Variants in DPP10 observed in about 807,000 individuals in gnomAD.
DPP10 encodes dipeptidyl peptidase like 10.
In DPP10, 33 loss-of-function variants were observed where a neutral mutation model predicts 120.9. The ratio of observed to expected loss-of-function variants is 0.27; its 90% CI spans 0.21 to 0.37. DPP10 has a LOEUF of 0.37. Ranked by LOEUF, DPP10 falls within the 10% of genes least tolerant of loss-of-function variation. The pLI, the probability that DPP10 is intolerant of heterozygous loss-of-function variation, is 1.00. For missense variants in DPP10, 816 were observed against 942.8 expected (o/e 0.87, Z 1.76); for synonymous variants, 337 against 326.1 (o/e 1.03, Z -0.36).
At chr2:115,347,611 C>G (rs1017954697) in intron 3 of DPP10, among the ~76,000 whole-genome samples, 1 of 151,902 alleles carries the variant, frequency 6.6e-6, no homozygotes, top group African/African-American at 2.4e-5. Flanking sequence ...TAGGCATTTC[C>G]CCTAATGCTA....
chr2:115,324,712 A>G (rs751587027), intron 2 of DPP10, among the ~76,000 whole-genome samples: 3 of 152,152 alleles, frequency 2.0e-5, no homozygotes, highest in Non-Finnish European at 2.9e-5. Flanking sequence ...TTAATTTCCC[A>G]TAAGAACTTT....
intron 3 of DPP10, among the ~76,000 whole-genome samples, chr2:115,480,642 G>A (rs1444183059): frequency 6.6e-6 from 1 of 152,066 alleles, no homozygotes; most frequent in East Asian, 1.9e-4. Flanking sequence ...AAACGCGGGT[G>A]AGGTGAGGCA....
chr2:114,951,297 C>T (rs1697765859), intron 1 of DPP10, among the ~76,000 whole-genome samples: 1 of 152,104 alleles, frequency 6.6e-6, no homozygotes, highest in Non-Finnish European at 1.5e-5. Flanking sequence ...TTATAATTTG[C>T]TCCATACTAT....
At chr2:115,382,154 A>C (rs958481125) in intron 3 of DPP10, among the ~76,000 whole-genome samples, 1,699 of 152,096 alleles carry the variant, frequency 0.011, 26 homozygotes, top group African/African-American at 0.036. Flanking sequence ...CCCCTCCCCC[A>C]GCCTCACTGC....
Position 115,082,620 on chromosome 2 carries a change from C to A in DPP10, c.61-226619C>A, listed in dbSNP as rs1231782321. ...TAGTCTCAAGAATTTTGAGGTATAT[C>A]CACTCTTACTTTTGGAACTCTGTGA... On this transcript the variant is annotated intron_variant, in intron 1 of 25. Coordinates refer to ENST00000410059, the MANE Select transcript of DPP10 (RefSeq NM_020868.6). 1.3e-5 allele frequency among the ~76,000 whole-genome samples: 2 copies of A among 152,086 alleles called. 1 individual carries two copies. Among genetic ancestry groups the A allele is most frequent in the African/African-American group, 4.8e-5 (2 of 41,390 alleles).
intron 3 of DPP10, among the ~76,000 whole-genome samples, chr2:115,477,268 T>C (rs1478637504): frequency 2.6e-5 from 4 of 152,052 alleles, no homozygotes; most frequent in Non-Finnish European, 5.9e-5. Context: ...ATTTTAAAGA[T>C]TTCCAAAAAG....
At chr2:115,761,458 A>G (rs1680104884) in intron 11 of DPP10, among the ~76,000 whole-genome samples, 1 of 152,170 alleles carries the variant, frequency 6.6e-6, no homozygotes. Context: ...GTATGGAGAT[A>G]AAAAGACTTT....
At chr2:114,610,893 C>T (rs1469068874) in intron 1 of DPP10, among the ~76,000 whole-genome samples, 1 of 152,028 alleles carries the variant, frequency 6.6e-6, no homozygotes, top group Non-Finnish European at 1.5e-5. Flanking sequence ...TATCCCTCCC[C>T]TCAGGCCACC....
rs185175371 is a variant in DPP10 at position 114,710,582 on chromosome 2, T to C, written c.60+267744T>C. 4.9e-3 allele frequency among the ~76,000 whole-genome samples: 748 copies of C among 152,068 alleles called. 7 individuals carry two copies. The highest frequency in any genetic ancestry group is 0.017 in the African/African-American group (707 of 41,468). ...CAACATGGCAAAACCCCACCTCTAC[T>C]AAAAATACAAAAATTAGCTGGGTGT... On this transcript the variant is annotated intron_variant, in intron 1 of 25. Coordinates refer to ENST00000410059, the MANE Select transcript of DPP10 (RefSeq NM_020868.6).
rs188672949 is a variant in DPP10, at chr2:115,000,470, C to T, written c.61-308769C>T. 4.6e-5 allele frequency among the ~76,000 whole-genome samples: 7 copies of T among 152,206 alleles called. No homozygotes were observed. The East Asian group carries it at 1.4e-3, about 29-fold the overall frequency. On this transcript the variant is annotated intron_variant, in intron 1 of 25. Transcript: ENST00000410059. Reference sequence around the variant, plus strand: ...AAATGAAAAACAAATCTAGTTAATTCATTCAGAAGATTTTTCTGTACCTGT... The same window carrying T: ...AAATGAAAAACAAATCTAGTTAATTTATTCAGAAGATTTTTCTGTACCTGT...
At chr2:115,133,513 A>G (rs941019975) in intron 1 of DPP10, among the ~76,000 whole-genome samples, 1 of 152,126 alleles carries the variant, frequency 6.6e-6, no homozygotes, top group Non-Finnish European at 1.5e-5. Context: ...AAATGAGGAA[A>G]GATAAATGAA....
chr2:114,596,802 A>G (rs1048190902), intron 1 of DPP10, among the ~76,000 whole-genome samples: 1 of 152,078 alleles, frequency 6.6e-6, no homozygotes, highest in African/African-American at 2.4e-5. Flanking sequence ...CAAATATGCC[A>G]AACTACCAAT....
At chr2:115,338,839 A>G (rs900828799) in intron 2 of DPP10, among the ~76,000 whole-genome samples, 4 of 152,186 alleles carry the variant, frequency 2.6e-5, no homozygotes, top group Non-Finnish European at 5.9e-5. Flanking sequence ...AAATAAAACT[A>G]TAACATTTTT....
rs139984504 is a variant in DPP10, at chr2:114,716,829, C to G, written c.60+273991C>G. 3.4e-3 allele frequency among the ~76,000 whole-genome samples: 516 copies of G among 152,212 alleles called. 3 individuals are homozygous for G. The highest frequency in any genetic ancestry group is 0.012 in the African/African-American group (493 of 41,516). On this transcript the variant is annotated intron_variant, in intron 1 of 25. Transcript: ENST00000410059. ...ATAGTATTTTAGAAGTGTAAGGATC[C>G]ACTATTTGAGGAAGGGTAACCAGTT...
intron 3 of DPP10, among the ~76,000 whole-genome samples, chr2:115,427,457 C>T (rs1025388057): frequency 1.3e-5 from 2 of 152,222 alleles, no homozygotes; most frequent in African/African-American, 4.8e-5. Flanking sequence ...AGGCTTAACA[C>T]TACGTGGAAA....
intron 1 of DPP10, among the ~76,000 whole-genome samples, chr2:114,805,300 A>G (rs1031737294): frequency 2.6e-5 from 4 of 152,136 alleles, no homozygotes; most frequent in Non-Finnish European, 5.9e-5. Flanking sequence ...CCTTCATGAA[A>G]ACTCAAGAGC....
chr2:114,992,228 G>T (rs570300376), intron 1 of DPP10, among the ~76,000 whole-genome samples: 35 of 152,302 alleles, frequency 2.3e-4, no homozygotes, highest in South Asian at 1.0e-3. Context: ...TAATATCAGT[G>T]CCCAAAATGA....
chr2:114,949,267 A>C (rs879838424), intron 1 of DPP10, among the ~76,000 whole-genome samples: 2 of 152,054 alleles, frequency 1.3e-5, no homozygotes, highest in African/African-American at 4.8e-5. Context: ...GAACTCATTC[A>C]TTATTAGGAG....
At chr2:114,540,332 G>A (rs1004006441) in intron 1 of DPP10, among the ~76,000 whole-genome samples, 2 of 152,194 alleles carry the variant, frequency 1.3e-5, no homozygotes, top group East Asian at 1.9e-4. Flanking sequence ...GAGACAGATT[G>A]TTGTCATCTA....
Sources: gnomAD v4.1 joint callset for allele counts (sites outside exome capture counted in the v4.1 genomes callset) on GRCh38, gnomAD v4.1.1 for gene constraint, MANE v1.5 for transcripts, NCBI Gene and HGNC (gene_info 2026-07-23, HGNC 2026-07-21) for gene names.